The following SPTBN2 variants were observed in gnomAD, a reference collection of about 807,000 sequenced individuals.
SPTBN2 encodes the protein spectrin beta chain, non-erythrocytic 2.
SPTBN2 carries 107 observed loss-of-function variants against 284.2 expected under a neutral mutation model. The ratio of observed to expected loss-of-function variants is 0.38; its 90% CI spans 0.32 to 0.44. The LOEUF (loss-of-function observed/expected upper bound fraction) is 0.44. Ranked by LOEUF, SPTBN2 falls within the 20% of genes least tolerant of loss-of-function variation. SPTBN2 has a pLI of 1.00. For missense variants in SPTBN2, 2,569 were observed against 3,287.1 expected (o/e 0.78, Z 5.34); for synonymous variants, 1,289 against 1,354.8 (o/e 0.95, Z 1.07).
chr11:66,738,706 T>C (rs944276596), intron 1 of SPTBN2, among the ~76,000 whole-genome samples: 1 of 151,990 alleles, frequency 6.6e-6, no homozygotes, highest in Non-Finnish European at 1.5e-5. Context: ...AGTAGAGATG[T>C]GGTTTCACCA....
At chr11:66,719,735 C>T (rs569406018) in intron 3 of SPTBN2, among the ~76,000 whole-genome samples, 1 of 152,306 alleles carries the variant, frequency 6.6e-6, no homozygotes, top group South Asian at 2.1e-4. Flanking sequence ...GTCATGTGTG[C>T]AAACATGGTG....
chr11:66,699,966 T>A (rs1941149057), intron 17 of SPTBN2, among the ~76,000 whole-genome samples: 1 of 152,160 alleles, frequency 6.6e-6, no homozygotes, highest in East Asian at 1.9e-4. Flanking sequence ...TTTTTCTTTT[T>A]CTTTTTTTTG....
Position 66,715,137 on chromosome 11 carries a change from T to C in SPTBN2, c.483+85A>G. ...GGTTCTAGATCCTCCATCTTTGTGTTTGTTGTGTCATGGGCCAGCAGGAAC... is the reference window on the plus strand; with the variant it reads ...GGTTCTAGATCCTCCATCTTTGTGTCTGTTGTGTCATGGGCCAGCAGGAAC... On this transcript the variant is annotated intron_variant, in intron 5 of 37. Transcript: ENST00000533211. The surrounding 1 kb of genome is among the most constrained non-coding windows in gnomAD (Gnocchi z 5.3). 1 of 1,556,404 alleles carries C rather than the reference T, an allele frequency of 6.4e-7. No homozygotes were observed. The highest frequency in any genetic ancestry group is 8.8e-7 in the Non-Finnish European group (1 of 1,130,798).
rs771817497 is a variant in SPTBN2, at chr11:66,686,984, C to T, written c.6896+10G>A. Reference sequence around the variant, plus strand: ...CCTCCCATCCCGAGAGCACTGTTCCCTGTTCCTACCCCAGCTTGAAGACAT... The same window carrying T: ...CCTCCCATCCCGAGAGCACTGTTCCTTGTTCCTACCCCAGCTTGAAGACAT... On this transcript the variant is annotated intron_variant, in intron 36 of 37. Transcript: ENST00000533211. The T allele has an allele frequency of 6.2e-7, 1 of 1,613,802 alleles. No individual in the cohort carries two copies. The highest frequency in any genetic ancestry group is 2.2e-5 in the East Asian group (1 of 44,888).
At position 66,693,172 on chromosome 11, in the gene SPTBN2, G is replaced by C. The variant is rs763412284; in HGVS notation, c.4854+14C>G. The C allele has an allele frequency of 6.2e-7, 1 of 1,614,234 alleles. No individual in the cohort carries two copies. The highest frequency in any genetic ancestry group is 1.1e-5 in the South Asian group (1 of 91,090). On this transcript the variant is annotated intron_variant, in intron 24 of 37. Coordinates refer to ENST00000533211, the MANE Select transcript of SPTBN2 (RefSeq NM_006946.4). The surrounding 1 kb of genome is among the most constrained non-coding windows in gnomAD (Gnocchi z 5.7). ...GAACTGGTCACATACACTGGGCTCT[G>C]TCCTGGCCCTCACCTTGGCCTTCTC...
At chr11:66,720,936 G>C (rs923358012) in intron 3 of SPTBN2, 148 bp downstream of exon 3, 3 of 1,081,228 alleles carry the variant, frequency 2.8e-6, no homozygotes, top group Non-Finnish European at 4.0e-6. Context: ...CTTGAGGCTG[G>C]ATGTGGGGAC....
At chr11:66,717,327 C>G (rs1185984541) in intron 3 of SPTBN2, among the ~76,000 whole-genome samples, 1 of 152,156 alleles carries the variant, frequency 6.6e-6, no homozygotes, top group African/African-American at 2.4e-5. Flanking sequence ...CTGCCACTTT[C>G]CCACAGAGAG....
Position 66,715,780 on chromosome 11 carries a change from T to C in SPTBN2, c.309+50A>G, listed in dbSNP as rs1308058108. ...AGGGCTGTTCTTCCAGCTGGTCCCC[T>C]TGGACACTTTTCTAAGGCCCCCCCA... On this transcript the variant is annotated intron_variant, in intron 4 of 37. Transcript: ENST00000533211. This position sits in a 1 kb window ranked among gnomAD's most constrained non-coding sequence, Gnocchi z 5.3. 6.2e-7 allele frequency: 1 copy of C among 1,607,404 alleles called. No individual in the cohort carries two copies. Among genetic ancestry groups the C allele is most frequent in the East Asian group, 2.2e-5 (1 of 44,602 alleles).
intron 1 of SPTBN2, among the ~76,000 whole-genome samples, chr11:66,727,788 G>T (rs1026280113): frequency 1.3e-5 from 2 of 151,392 alleles, no homozygotes; most frequent in African/African-American, 4.8e-5. Flanking sequence ...GGCCGAGCGC[G>T]CCCCCAGCAC....
At chr11:66,692,370 C>T (rs925128518) in intron 26 of SPTBN2, among the ~76,000 whole-genome samples, 166 bp downstream of exon 26, 8 of 152,178 alleles carry the variant, frequency 5.3e-5, no homozygotes, top group South Asian at 2.1e-4. Flanking sequence ...AGCCTATGCC[C>T]GGCCTCTTCA....
intron 1 of SPTBN2, among the ~76,000 whole-genome samples, chr11:66,739,945 T>C (rs1175303338): frequency 6.6e-6 from 1 of 152,076 alleles, no homozygotes; most frequent in African/African-American, 2.4e-5. Flanking sequence ...GGCAGGAGAA[T>C]AGCTTGAACC....
In SPTBN2 at chr11:66,708,422, C is replaced by A; in HGVS notation, c.1192-123G>T. 4 of 1,031,830 alleles carry A rather than the reference C, an allele frequency of 3.9e-6. No homozygotes were observed. The highest frequency in any genetic ancestry group is 4.1e-6 in the Non-Finnish European group (3 of 729,456). The allele number at this position is 1,031,830 out of a possible 1,614,324, so 63.9% of individuals were successfully genotyped here. A position where few individuals can be genotyped will look rare whatever the true frequency, so the allele number is the denominator to read the frequency against. On this transcript the variant is annotated intron_variant, in intron 11 of 37. Transcript: ENST00000533211. The surrounding 1 kb of genome is among the most constrained non-coding windows in gnomAD (Gnocchi z 4.4). ...GATCCGTGGAATGCAGTGGGTGAGACGCCTGGGCGTGGAAACAGGAAACAG... is the reference window on the plus strand; with the variant it reads ...GATCCGTGGAATGCAGTGGGTGAGAAGCCTGGGCGTGGAAACAGGAAACAG...
intron 3 of SPTBN2, among the ~76,000 whole-genome samples, chr11:66,716,464 A>C (rs1331940460): frequency 1.3e-5 from 2 of 151,608 alleles, no homozygotes; most frequent in African/African-American, 2.4e-5. Flanking sequence ...TGGGCGACAG[A>C]GCAAGACTCC....
chr11:66,717,105 A>C (rs1942183216), intron 3 of SPTBN2, among the ~76,000 whole-genome samples: 1 of 152,124 alleles, frequency 6.6e-6, no homozygotes, highest in East Asian at 1.9e-4. Flanking sequence ...CTGGGAAAAC[A>C]GTGAGGCCAG....
At chr11:66,709,104 G>A in intron 10 of SPTBN2, 85 bp from the exon 11 acceptor site, 1 of 1,120,324 alleles carries the variant, frequency 8.9e-7, no homozygotes, top group Non-Finnish European at 1.4e-6. Context: ...GGTGTCCTGT[G>A]TTGCTTTTCT....
Position 66,684,760 on chromosome 11 carries a change from A to G in SPTBN2, c.*1111T>C, listed in dbSNP as rs2135277069. On this transcript the variant is annotated 3_prime_UTR_variant, in exon 38 of 38. Coordinates refer to ENST00000533211, the MANE Select transcript of SPTBN2 (RefSeq NM_006946.4). ...GTTGATCAGTTTATTGGAACCTGCC[A>G]CTTCTCAGATCCCTGTCTGAGGTCC... is the stretch of plus-strand genomic sequence containing the variant. Among the ~76,000 whole-genome samples the G allele has an allele frequency of 6.6e-6, 1 of 152,112 alleles. No homozygotes were observed. The highest frequency in any genetic ancestry group is 1.9e-4 in the East Asian group (1 of 5,184).
At chr11:66,714,205 G>T in intron 6 of SPTBN2, 34 bp from the exon 7 acceptor site, 1 of 1,611,020 alleles carries the variant, frequency 6.2e-7, no homozygotes, top group East Asian at 2.2e-5. Flanking sequence ...GGTGAGTAGG[G>T]CTGAGCTCTG....
intron 1 of SPTBN2, among the ~76,000 whole-genome samples, chr11:66,734,817 C>T (rs1267535701): frequency 6.6e-6 from 1 of 152,120 alleles, no homozygotes; most frequent in Non-Finnish European, 1.5e-5. Context: ...GAAGAGGAGT[C>T]CTTATTGTCA....
intron 13 of SPTBN2, among the ~76,000 whole-genome samples, chr11:66,706,629 C>A (rs1050678685): frequency 3.4e-5 from 5 of 147,092 alleles, no homozygotes; most frequent in Admixed American, 6.8e-5. Flanking sequence ...CCTTGCCTAG[C>A]TGCTTTTTTT....
Sources: gnomAD v4.1 joint callset for allele counts (sites outside exome capture counted in the v4.1 genomes callset) on GRCh38, gnomAD v4.1.1 for gene constraint, Gnocchi (gnomAD v3.1) non-coding constraint, MANE v1.5 for transcripts, NCBI Gene and HGNC (gene_info 2026-07-23, HGNC 2026-07-21) for gene names.